ATP8A1: variants seen among roughly 807,000 people sequenced by gnomAD.
ATP8A1 encodes the protein ATPase phospholipid transporting 8A1.
In ATP8A1, 90 loss-of-function variants were observed where a neutral mutation model predicts 177.7. The ratio of observed to expected loss-of-function variants is 0.51; its 90% CI spans 0.43 to 0.60. The LOEUF (loss-of-function observed/expected upper bound fraction) is 0.60. Ranked by LOEUF, ATP8A1 falls within the 20% of genes least tolerant of loss-of-function variation. ATP8A1 has a pLI of 0.00. For synonymous variants in ATP8A1, 493 were observed against 485.9 expected (o/e 1.01, Z -0.19); for missense variants, 1,072 against 1,392.8 (o/e 0.77, Z 3.67).
At chr4:42,545,130 A>AGCCTGGG (rs1449765143) in intron 19 of ATP8A1, among the ~76,000 whole-genome samples, 1 of 149,032 alleles carries the variant, frequency 6.7e-6, no homozygotes, top group African/African-American at 2.5e-5. Flanking sequence ...ACTGCACTCC[A>AGCCTGGG]GCCTGGGTGA....
At chr4:42,496,171 A>G (rs1723252436) in intron 24 of ATP8A1, among the ~76,000 whole-genome samples, 1 of 152,216 alleles carries the variant, frequency 6.6e-6, no homozygotes, top group South Asian at 2.1e-4. Flanking sequence ...AGAGAGAGGC[A>G]GCAAAGTGCT....
At chr4:42,431,620 A>C (rs1715316159) in intron 33 of ATP8A1, among the ~76,000 whole-genome samples, 1 of 152,244 alleles carries the variant, frequency 6.6e-6, no homozygotes, top group Non-Finnish European at 1.5e-5. Context: ...AGAAAACTCC[A>C]AAAGTGGCAA....
At chr4:42,414,977 C>A (rs113950174) in intron 35 of ATP8A1, 1 of 436,504 alleles carries the variant, frequency 2.3e-6, no homozygotes, top group South Asian at 3.0e-5. Context: ...CTCCTCACCA[C>A]CCCCCACTCA....
intron 9 of ATP8A1, among the ~76,000 whole-genome samples, chr4:42,582,516 C>A (rs1052095617): frequency 2.3e-5 from 3 of 132,698 alleles, no homozygotes; most frequent in Non-Finnish European, 3.2e-5. Flanking sequence ...CTCTCTCTCC[C>A]CCCCCACCCA....
chr4:42,435,426 C>CAAAAAAAAAAAAAAA (rs55945370), intron 33 of ATP8A1, among the ~76,000 whole-genome samples: 189 of 93,716 alleles, frequency 2.0e-3, no homozygotes, highest in Non-Finnish European at 3.2e-3. Flanking sequence ...GACTTCATCT[C>CAAAAAAAAAAAAAAA]AAAAAAAAAA....
intron 19 of ATP8A1, among the ~76,000 whole-genome samples, chr4:42,544,191 GT>G (rs148530701): frequency 0.021 from 3,150 of 152,198 alleles, 100 homozygotes; most frequent in African/African-American, 0.072. Flanking sequence ...AGGCACCAGG[GT>G]ACCATCTACT....
intron 14 of ATP8A1, among the ~76,000 whole-genome samples, chr4:42,571,855 A>G (rs993226964): frequency 1.3e-5 from 2 of 152,222 alleles, no homozygotes; most frequent in Non-Finnish European, 2.9e-5. Context: ...TCATGAATCC[A>G]ATTTGGGGCG....
At position 42,461,244 on chromosome 4, in the gene ATP8A1, C is replaced by CTTTTTTTTT. The variant is rs777847439; in HGVS notation, c.2619+3445_2619+3446insAAAAAAAAA. On this transcript the variant is annotated intron_variant, in intron 27 of 36. Coordinates refer to ENST00000381668, the MANE Select transcript of ATP8A1 (RefSeq NM_006095.2). ...TAAAATATACTGAGATCAATTTTTT[C>CTTTTTTTTT]TTTCTTTTTTTTTTTTTTGCTTTTT... Among the ~76,000 whole-genome samples the CTTTTTTTTT allele has an allele frequency of 1.4e-3, 121 of 84,408 alleles. 1 individual carries two copies. Among genetic ancestry groups the CTTTTTTTTT allele is most frequent in the East Asian group, 2.7e-3 (10 of 3,740 alleles). 55.4% of individuals were successfully genotyped at this position (84,408 alleles called of 152,430 possible).
intron 1 of ATP8A1, among the ~76,000 whole-genome samples, chr4:42,641,230 A>C (rs984945761): frequency 6.6e-6 from 1 of 152,180 alleles, no homozygotes; most frequent in African/African-American, 2.4e-5. Flanking sequence ...TCTATACTAA[A>C]GGCCTAAAGA....
At chr4:42,625,506 C>G (rs1737967953) in intron 3 of ATP8A1, 108 bp downstream of exon 3, 1 of 663,422 alleles carries the variant, frequency 1.5e-6, no homozygotes, top group Admixed American at 3.5e-5. Context: ...AAATGTCCAC[C>G]AAAACCAGCT....
intron 24 of ATP8A1, among the ~76,000 whole-genome samples, chr4:42,496,908 T>C (rs1393579655): frequency 1.3e-5 from 2 of 152,152 alleles, no homozygotes; most frequent in Admixed American, 6.6e-5. Flanking sequence ...CTTTTCAGAA[T>C]TCCATAATCA....
At chr4:42,479,948 C>T (rs1048836650) in intron 25 of ATP8A1, among the ~76,000 whole-genome samples, 6 of 149,694 alleles carry the variant, frequency 4.0e-5, no homozygotes. Context: ...ATGTACTCTC[C>T]ATTACGTGTT....
chr4:42,592,100 A>G (rs1293768248), intron 6 of ATP8A1, among the ~76,000 whole-genome samples: 1 of 152,202 alleles, frequency 6.6e-6, no homozygotes, highest in Non-Finnish European at 1.5e-5. Flanking sequence ...GAAAAAAAAT[A>G]CTGAAAGGTG....
At chr4:42,489,965 C>T (rs1367655792) in intron 24 of ATP8A1, among the ~76,000 whole-genome samples, 1 of 152,162 alleles carries the variant, frequency 6.6e-6, no homozygotes, top group East Asian at 1.9e-4. Context: ...CCTTGTTCTG[C>T]ATATTTTCAC....
chr4:42,514,446 TAAG>T (rs1725319641), intron 22 of ATP8A1, among the ~76,000 whole-genome samples: 2 of 152,186 alleles, frequency 1.3e-5, no homozygotes, highest in African/African-American at 2.4e-5. Context: ...GTACTTTAAA[TAAG>T]AAGATTCTAA....
intron 16 of ATP8A1, 58 bp from the exon 17 acceptor site, chr4:42,552,668 A>G: frequency 8.3e-7 from 1 of 1,212,102 alleles, no homozygotes; most frequent in Non-Finnish European, 1.2e-6. Context: ...TGACACTGAC[A>G]GTAATATTAC....
At chr4:42,553,621 CA>C (rs201053828) in intron 16 of ATP8A1, among the ~76,000 whole-genome samples, 14 of 145,322 alleles carry the variant, frequency 9.6e-5, no homozygotes, top group East Asian at 4.0e-4. Context: ...TGCTCTTGGG[CA>C]AAAAAAAAAT....
chr4:42,575,199 A>C (rs1210960748), intron 13 of ATP8A1, among the ~76,000 whole-genome samples: 1 of 152,136 alleles, frequency 6.6e-6, no homozygotes, highest in Non-Finnish European at 1.5e-5. Context: ...ATGTTAATGG[A>C]TTACAAATAT....
At chr4:42,520,623 C>G (rs1560416314) in intron 22 of ATP8A1, among the ~76,000 whole-genome samples, 1 of 152,058 alleles carries the variant, frequency 6.6e-6, no homozygotes, top group Admixed American at 6.6e-5. Context: ...CAACTGATAA[C>G]AAGTCTCCTG....
Sources: gnomAD v4.1 joint callset for allele counts (sites outside exome capture counted in the v4.1 genomes callset) on GRCh38, gnomAD v4.1.1 for gene constraint, MANE v1.5 for transcripts, NCBI Gene and HGNC (gene_info 2026-07-23, HGNC 2026-07-21) for gene names.